NTM: variants seen among roughly 807,000 people sequenced by gnomAD.
The protein encoded by NTM is IgLON family member 2.
Under a neutral mutation model 42.1 loss-of-function variants are expected in NTM, and 13 were observed. That is an observed-to-expected ratio of 0.31 (90% CI 0.20 to 0.49). The LOEUF is 0.49. Among genes scored for constraint, NTM ranks in the 20% least tolerant of loss-of-function variants. The pLI is 0.99. For missense variants in NTM, 373 were observed against 452.8 expected (o/e 0.82, Z 1.60); for synonymous variants, 187 against 179.2 (o/e 1.04, Z -0.35).
intron 2 of NTM, among the ~76,000 whole-genome samples, chr11:131,913,460 A>G (rs1274221106): frequency 2.6e-5 from 4 of 152,226 alleles, no homozygotes; most frequent in Admixed American, 2.0e-4. Flanking sequence ...TTCAAGGCTT[A>G]TCAAAGTCAG....
intron 1 of NTM, among the ~76,000 whole-genome samples, chr11:131,881,271 C>A (rs2049430636): frequency 6.6e-6 from 1 of 152,054 alleles, no homozygotes; most frequent in Non-Finnish European, 1.5e-5. Context: ...AGGACATAGG[C>A]AAATAGAACT....
intron 1 of NTM, among the ~76,000 whole-genome samples, chr11:131,570,331 C>T (rs551297117): frequency 1.9e-4 from 29 of 152,300 alleles, no homozygotes; most frequent in East Asian, 1.2e-3. Context: ...ACTCCTCGGC[C>T]GCGTTCCAGG....
At chr11:132,071,263 C>A (rs35547139) in intron 2 of NTM, among the ~76,000 whole-genome samples, 276 of 118,850 alleles carry the variant, frequency 2.3e-3, no homozygotes, top group African/African-American at 0.01. Context: ...TAACACGTCA[C>A]ACTGACCATC....
chr11:132,150,409 A>C (rs2071603582), intron 3 of NTM, among the ~76,000 whole-genome samples: 1 of 152,172 alleles, frequency 6.6e-6, no homozygotes, highest in Admixed American at 6.5e-5. Flanking sequence ...GAGAGAGAAC[A>C]TTTGTGTGAA....
intron 2 of NTM, among the ~76,000 whole-genome samples, chr11:132,056,830 A>G (rs940224255): frequency 3.3e-5 from 5 of 152,140 alleles, no homozygotes; most frequent in African/African-American, 1.2e-4. Flanking sequence ...TGCACAGTCC[A>G]CAAATCCCCC....
chr11:132,284,698 G>A (rs2094154185), intron 4 of NTM: 1 of 152,636 alleles, frequency 6.6e-6, no homozygotes, highest in African/African-American at 2.4e-5. Context: ...CATAACAACT[G>A]GTCAGTCCCT....
At chr11:132,028,750 A>G (rs2075531209) in intron 2 of NTM, among the ~76,000 whole-genome samples, 2 of 152,134 alleles carry the variant, frequency 1.3e-5, no homozygotes, top group Admixed American at 1.3e-4. Flanking sequence ...GGCTCTGGTA[A>G]TATAATTTCT....
chr11:131,940,062 CTG>C lies in NTM; in HGVS notation c.167+28418_167+28419del, dbSNP rs1287993510. ...AGAAGGAAAAGAAACCTATTTGAAACTGTGTAAAACACCTCCCTTCAGAGAGC... is the reference window on the plus strand; with the variant it reads ...AGAAGGAAAAGAAACCTATTTGAAACTGTAAAACACCTCCCTTCAGAGAGC... On this transcript the variant is annotated intron_variant, in intron 2 of 8. Transcript: ENST00000683400. Among the ~76,000 whole-genome samples the C allele has an allele frequency of 2.6e-5, 4 of 152,252 alleles. No individual in the cohort carries two copies. The South Asian group carries it at 6.2e-4, about 24-fold the overall frequency.
intron 1 of NTM, among the ~76,000 whole-genome samples, chr11:131,563,216 A>G (rs944913164): frequency 6.8e-6 from 1 of 147,262 alleles, no homozygotes; most frequent in Non-Finnish European, 1.5e-5. Flanking sequence ...GCAAGTGCAA[A>G]TTATTATTAT....
chr11:132,312,527 A>G (rs928279340), intron 6 of NTM: 2 of 154,630 alleles, frequency 1.3e-5, no homozygotes, highest in Non-Finnish European at 2.9e-5. Flanking sequence ...GTGCCCGCAC[A>G]GAGAAGGGGA....
At chr11:131,846,647 A>G (rs952022216) in intron 1 of NTM, among the ~76,000 whole-genome samples, 1 of 152,094 alleles carries the variant, frequency 6.6e-6, no homozygotes, top group Non-Finnish European at 1.5e-5. Context: ...TAACTATTGT[A>G]TATGTTATTA....
intron 2 of NTM, among the ~76,000 whole-genome samples, chr11:132,024,662 C>A (rs572543466): frequency 1.3e-5 from 2 of 152,124 alleles, no homozygotes; most frequent in Non-Finnish European, 2.9e-5. Flanking sequence ...TAAAGTACAC[C>A]TCAGATGCGC....
intron 1 of NTM, among the ~76,000 whole-genome samples, chr11:131,861,939 C>T (rs959797398): frequency 6.6e-6 from 1 of 152,182 alleles, no homozygotes; most frequent in African/African-American, 2.4e-5. Context: ...CACCACTCCT[C>T]TGCACATCCA....
chr11:131,471,075 T>C (rs987985920), intron 1 of NTM, among the ~76,000 whole-genome samples: 4 of 152,166 alleles, frequency 2.6e-5, no homozygotes, highest in African/African-American at 9.7e-5. Flanking sequence ...GCTCAGTGAA[T>C]TCCTGAACAA....
At position 131,700,170 on chromosome 11, in the gene NTM, T is replaced by C. The variant is rs376357089; in HGVS notation, c.83-211394T>C. On this transcript the variant is annotated intron_variant, in intron 1 of 8. Coordinates refer to ENST00000683400, the MANE Select transcript of NTM (RefSeq NM_001352005.2). Reference sequence around the variant, plus strand: ...GAGTTGTCTAATTTTACTTCATTTGTTATTTCTGATTATATTGGTTACCAG... The same window carrying C: ...GAGTTGTCTAATTTTACTTCATTTGCTATTTCTGATTATATTGGTTACCAG... Among the ~76,000 whole-genome samples the C allele has an allele frequency of 7.2e-5, 11 of 152,308 alleles. No individual in the cohort carries two copies. The East Asian group carries it at 1.4e-3, about 19-fold the overall frequency.
At chr11:132,152,936 T>A (rs969401531) in intron 3 of NTM, among the ~76,000 whole-genome samples, 4 of 152,210 alleles carry the variant, frequency 2.6e-5, no homozygotes, top group Admixed American at 6.5e-5. Flanking sequence ...ACTTGGCGTC[T>A]TTTGCAGAAG....
At chr11:131,971,279 G>A (rs2063495131) in intron 2 of NTM, among the ~76,000 whole-genome samples, 1 of 152,154 alleles carries the variant, frequency 6.6e-6, no homozygotes, top group African/African-American at 2.4e-5. Flanking sequence ...GGTGTAAAAT[G>A]ACACCTCACT....
chr11:132,228,887 C>G (rs1489869554), intron 4 of NTM, among the ~76,000 whole-genome samples: 1 of 152,092 alleles, frequency 6.6e-6, no homozygotes, highest in East Asian at 1.9e-4. Flanking sequence ...ATCAGGACCT[C>G]TTGATGGGAG....
At chr11:131,444,128 T>C (rs902104300) in intron 1 of NTM, among the ~76,000 whole-genome samples, 3 of 143,150 alleles carry the variant, frequency 2.1e-5, no homozygotes, top group African/African-American at 7.8e-5. Flanking sequence ...AGTTGAGAGT[T>C]GAGCTCATTT....
Sources: allele counts gnomAD v4.1 joint callset (sites outside exome capture counted in the v4.1 genomes callset), GRCh38; gene constraint gnomAD v4.1.1; transcripts MANE v1.5; gene names NCBI Gene and HGNC (gene_info 2026-07-23, HGNC 2026-07-21).